Variants in DUSP29 observed in about 807,000 individuals in gnomAD.
The protein encoded by DUSP29 is dual specificity phosphatase 29, also known as atypical dual-specific protein phosphatase.
A neutral mutation model predicts 13.5 loss-of-function variants in DUSP29; 12 were observed. The observed-to-expected ratio is 0.89, with a 90% CI of 0.57 to 1.44. The LOEUF (loss-of-function observed/expected upper bound fraction) is 1.44. Ranked by LOEUF, DUSP29 falls within the 40% of genes most tolerant of loss-of-function variation. The pLI, the probability that DUSP29 is intolerant of heterozygous loss-of-function variation, is 0.00. For missense variants in DUSP29, 308 were observed against 301.1 expected, an observed-to-expected ratio of 1.02 and a Z score of -0.17; for synonymous variants, 134 against 128.7, an observed-to-expected ratio of 1.04 and a Z score of -0.28.
At chr10:75,054,477 T>A (rs933897799) in intron 2 of DUSP29, among the ~76,000 whole-genome samples, 1 of 152,194 alleles carries the variant, frequency 6.6e-6, no homozygotes, top group Non-Finnish European at 1.5e-5. Context: ...TGTTTATGAA[T>A]GATGCTATGT....
At chr10:75,067,467 G>A (rs1360808839) in intron 1 of DUSP29, among the ~76,000 whole-genome samples, 3 of 152,132 alleles carry the variant, frequency 2.0e-5, no homozygotes, top group African/African-American at 7.2e-5. Context: ...GCTTAGCTTG[G>A]TCTTAGTCTA....
chr10:75,058,463 T>C lies in DUSP29; in HGVS notation c.52A>G (p.Lys18Glu). The C allele has an allele frequency of 6.2e-7, 1 of 1,614,268 alleles. No individual in the cohort carries two copies. The highest frequency in any genetic ancestry group is 8.5e-7 in the Non-Finnish European group (1 of 1,180,050). The change falls in exon 2 of 4, where the codon AAG becomes GAG. Residue 18 changes from lysine to glutamate, a missense_variant. Transcript: ENST00000338487. ...TSLKNAYSSA[K>E]RLSPKMEEEG... ...TCCTCCATCTTCGGCGACAGCCTCT[T>C]GGCAGATGAGTAGGCATTCTTGAGG... is the stretch of plus-strand genomic sequence containing the variant.
At chr10:75,053,424 A>G (rs1846889124) in intron 2 of DUSP29, among the ~76,000 whole-genome samples, 1 of 152,210 alleles carries the variant, frequency 6.6e-6, no homozygotes, top group Non-Finnish European at 1.5e-5. Context: ...AGCATTTACT[A>G]CTTGCCAGAT....
At chr10:75,070,482 A>G (rs972249457) in intron 1 of DUSP29, among the ~76,000 whole-genome samples, 3 of 152,080 alleles carry the variant, frequency 2.0e-5, no homozygotes, top group Non-Finnish European at 2.9e-5. Context: ...GATAACTTGC[A>G]CCTCACTGGT....
Position 75,055,921 on chromosome 10 carries a change from T to A in DUSP29, c.200+2394A>T. On this transcript the variant is annotated intron_variant, in intron 2 of 3. Coordinates refer to ENST00000338487, the MANE Select transcript of DUSP29 (RefSeq NM_001003892.3). ...TGTATATATAGTATGGGGTTTTGTT[T>A]GTTTTGGAGACAAACTGTTGCTCTA... Among the ~76,000 whole-genome samples the A allele has an allele frequency of 1.3e-5, 2 of 152,160 alleles. 1 individual carries two copies.
chr10:75,042,836 G>A (rs1051553565), intron 3 of DUSP29, among the ~76,000 whole-genome samples: 8 of 152,266 alleles, frequency 5.3e-5, no homozygotes, highest in African/African-American at 1.9e-4. Flanking sequence ...CCTGAATTAT[G>A]TGATGGCTCC....
intron 1 of DUSP29, among the ~76,000 whole-genome samples, chr10:75,064,533 G>T (rs1437520802): frequency 6.6e-6 from 1 of 151,968 alleles, no homozygotes; most frequent in Non-Finnish European, 1.5e-5. Flanking sequence ...AACAAAAAAA[G>T]TTTTTTGTAG....
intron 1 of DUSP29, among the ~76,000 whole-genome samples, chr10:75,064,696 T>C (rs377526567): frequency 1.3e-4 from 20 of 152,286 alleles, no homozygotes; most frequent in South Asian, 8.3e-4. Flanking sequence ...TGCATTTAGT[T>C]AAAGGTTTCC....
chr10:75,040,175 CAAA>C (rs1472461637), intron 3 of DUSP29, among the ~76,000 whole-genome samples: 1 of 151,834 alleles, frequency 6.6e-6, no homozygotes, highest in African/African-American at 2.4e-5. Context: ...GATTCCGTCT[CAAA>C]AAAACAAAAA....
chr10:75,073,278 A>T (rs1009797112), intron 1 of DUSP29, among the ~76,000 whole-genome samples: 2 of 152,132 alleles, frequency 1.3e-5, no homozygotes, highest in African/African-American at 2.4e-5. Flanking sequence ...GGAATATGAT[A>T]CAATACATCC....
At chr10:75,071,115 G>A (rs530584756) in intron 1 of DUSP29, among the ~76,000 whole-genome samples, 2 of 152,360 alleles carry the variant, frequency 1.3e-5, no homozygotes, top group Admixed American at 6.5e-5. Context: ...CCGAAACTCT[G>A]AGGCACGCTG....
chr10:75,038,511 G>A lies in DUSP29; in HGVS notation c.422-434C>T, dbSNP rs544250124. 4.0e-4 allele frequency among the ~76,000 whole-genome samples: 61 copies of A among 152,228 alleles called. No individual in the cohort carries two copies. The East Asian group carries it at 8.1e-3, about 20-fold the overall frequency. On this transcript the variant is annotated intron_variant, in intron 3 of 3. Coordinates refer to ENST00000338487, the MANE Select transcript of DUSP29 (RefSeq NM_001003892.3). ...TCCACCCCTGGCATTCAAATCCCAC[G>A]GACCTTTCTGGAGGCTGCCGGGCCT...
chr10:75,052,424 G>A (rs1257559371), intron 2 of DUSP29, among the ~76,000 whole-genome samples: 1 of 150,238 alleles, frequency 6.7e-6, no homozygotes, highest in Non-Finnish European at 1.5e-5. Flanking sequence ...CTCCTACCTC[G>A]GCCTCCCGAG....
At chr10:75,059,039 C>T (rs193085995) in intron 1 of DUSP29, among the ~76,000 whole-genome samples, 15 of 152,258 alleles carry the variant, frequency 9.9e-5, no homozygotes, top group Admixed American at 9.1e-4. Context: ...CATACCTGCC[C>T]GGGCCTGGGT....
chr10:75,073,338 G>A (rs1564648445), intron 1 of DUSP29, among the ~76,000 whole-genome samples: 1 of 152,230 alleles, frequency 6.6e-6, no homozygotes, highest in Admixed American at 6.5e-5. Context: ...TTATCCTTTA[G>A]AAATGGTCGT....
chr10:75,043,889 C>T lies in DUSP29; in HGVS notation c.329G>A (p.Gly110Asp). ...YYRDMDIQYH[G>D]VEADDLPTFD... The stretch of plus-strand genomic sequence containing the variant: ...GGTGGGCAGGTCGTCGGCCTCCACG[C>T]CGTGGTACTGGATGTCCATGTCGCG... Residue 110 changes from glycine to aspartate, a missense_variant, in exon 3 of 4, where the codon GGC becomes GAC. Coordinates refer to ENST00000338487, the MANE Select transcript of DUSP29 (RefSeq NM_001003892.3). 6.2e-7 allele frequency: 1 copy of T among 1,614,062 alleles called. No homozygotes were observed. Among genetic ancestry groups the T allele is most frequent in the Non-Finnish European group, 8.5e-7 (1 of 1,179,960 alleles).
chr10:75,063,852 T>G (rs1847140002), intron 1 of DUSP29, among the ~76,000 whole-genome samples: 1 of 152,048 alleles, frequency 6.6e-6, no homozygotes, highest in Non-Finnish European at 1.5e-5. Context: ...ATCCCACAAA[T>G]ACAATTATTA....
intron 2 of DUSP29, among the ~76,000 whole-genome samples, chr10:75,051,870 C>T (rs1337303416): frequency 2.0e-5 from 3 of 152,218 alleles, no homozygotes; most frequent in African/African-American, 7.2e-5. Context: ...GCTGCATTGG[C>T]GGTAGAGTTA....
chr10:75,062,047 G>A (rs1847099094), intron 1 of DUSP29, among the ~76,000 whole-genome samples: 1 of 152,158 alleles, frequency 6.6e-6, no homozygotes, highest in African/African-American at 2.4e-5. Flanking sequence ...TCTATTCTGG[G>A]GCCTGCCTGC....
Sources: gnomAD v4.1 joint callset for allele counts (sites outside exome capture counted in the v4.1 genomes callset) on GRCh38, gnomAD v4.1.1 for gene constraint, MANE v1.5 for transcripts, NCBI Gene and HGNC (gene_info 2026-07-23, HGNC 2026-07-21) for gene names.